The following LURAP1L variants were observed in gnomAD, a reference collection of about 807,000 sequenced individuals.
The protein encoded by LURAP1L is leucine rich adaptor protein 1-like.
LURAP1L carries 12 observed loss-of-function variants against 13.8 expected under a neutral mutation model. The observed-to-expected ratio is 0.87, with a 90% CI of 0.56 to 1.41. The LOEUF is 1.41. Among genes scored for constraint, LURAP1L ranks in the 40% most tolerant of loss-of-function variants. The pLI is 0.00. For synonymous variants in LURAP1L, 139 were observed against 119.2 expected, an observed-to-expected ratio of 1.17 and a Z score of -1.08; for missense variants, 375 against 292.9, an observed-to-expected ratio of 1.28 and a Z score of -2.04.
At chr9:12,781,650 C>T (rs1267859631) in intron 1 of LURAP1L, among the ~76,000 whole-genome samples, 1 of 152,084 alleles carries the variant, frequency 6.6e-6, no homozygotes, top group Non-Finnish European at 1.5e-5. Context: ...TTTCTTTATC[C>T]GTTTGTCTCT....
chr9:12,809,974 G>C (rs1372651288), intron 1 of LURAP1L, among the ~76,000 whole-genome samples: 1 of 152,172 alleles, frequency 6.6e-6, no homozygotes, highest in African/African-American at 2.4e-5. Context: ...AGAAGAGGAA[G>C]TGTTCTCCTG....
intron 1 of LURAP1L, among the ~76,000 whole-genome samples, chr9:12,783,653 C>G (rs773514030): frequency 6.6e-6 from 1 of 151,806 alleles, no homozygotes; most frequent in Non-Finnish European, 1.5e-5. Context: ...TGATATTGGC[C>G]TATACTTTCT....
At chr9:12,782,482 T>A (rs556005231) in intron 1 of LURAP1L, among the ~76,000 whole-genome samples, 13 of 152,344 alleles carry the variant, frequency 8.5e-5, no homozygotes, top group African/African-American at 3.1e-4. Context: ...CAGTACCATT[T>A]ATTGAAGAGA....
At chr9:12,814,090 C>T (rs1027288800) in intron 1 of LURAP1L, among the ~76,000 whole-genome samples, 1 of 152,126 alleles carries the variant, frequency 6.6e-6, no homozygotes, top group East Asian at 1.9e-4. Flanking sequence ...AGTATATATG[C>T]ATGCATGTGT....
chr9:12,783,534 G>A (rs558537765), intron 1 of LURAP1L, among the ~76,000 whole-genome samples: 9 of 152,282 alleles, frequency 5.9e-5, no homozygotes, highest in Admixed American at 5.9e-4. Flanking sequence ...AACAGTCCTT[G>A]CATCCCTGGG....
rs74797967 is a variant in LURAP1L, at chr9:12,790,306, A to C, written c.312+14279A>C. On this transcript the variant is annotated intron_variant, in intron 1 of 1. Transcript: ENST00000319264. ...ATAATCACCTTAGGACAGAGCTGTG[A>C]CTAATCAATGCTTATATGTCCTTAA... Among the ~76,000 whole-genome samples, 423 of 152,296 alleles carry C rather than the reference A, an allele frequency of 2.8e-3. 4 individuals carry two copies. Among genetic ancestry groups the C allele is most frequent in the African/African-American group, 9.8e-3 (406 of 41,576 alleles).
intron 1 of LURAP1L, among the ~76,000 whole-genome samples, chr9:12,809,561 A>G (rs1351362398): frequency 6.6e-6 from 1 of 152,198 alleles, no homozygotes; most frequent in Non-Finnish European, 1.5e-5. Flanking sequence ...TTGGCGTATT[A>G]ATCATAGTTG....
At chr9:12,792,669 T>A (rs899296582) in intron 1 of LURAP1L, among the ~76,000 whole-genome samples, 6 of 152,084 alleles carry the variant, frequency 3.9e-5, no homozygotes, top group African/African-American at 7.2e-5. Flanking sequence ...TTTACTTTTT[T>A]AAAATTCATA....
chr9:12,822,729 A>C lies in LURAP1L; in HGVS notation c.*969A>C, dbSNP rs1819898521. ...TACATTCATCCTAGTATAAATAAAT[A>C]ATCTCTAAGTTTTCTGAAATGGAAT... On this transcript the variant is annotated 3_prime_UTR_variant, in exon 2 of 2. Transcript: ENST00000319264. Among the ~76,000 whole-genome samples, 1 of 152,174 alleles carries C rather than the reference A, an allele frequency of 6.6e-6. No homozygotes were observed. The highest frequency in any genetic ancestry group is 2.4e-5 in the African/African-American group (1 of 41,444).
intron 1 of LURAP1L, among the ~76,000 whole-genome samples, chr9:12,787,244 T>C (rs1379769432): frequency 6.6e-6 from 1 of 152,134 alleles, no homozygotes; most frequent in Non-Finnish European, 1.5e-5. Context: ...ATCTATACCT[T>C]AGCTGTAATG....
At chr9:12,796,621 C>G (rs1819514515) in intron 1 of LURAP1L, among the ~76,000 whole-genome samples, 1 of 151,850 alleles carries the variant, frequency 6.6e-6, no homozygotes, top group South Asian at 2.1e-4. Context: ...AGGAATATAC[C>G]TCATTCCTTT....
chr9:12,798,762 A>AT (rs1056941278), intron 1 of LURAP1L, among the ~76,000 whole-genome samples: 2 of 152,160 alleles, frequency 1.3e-5, no homozygotes, highest in African/African-American at 4.8e-5. Context: ...AATCAGAAAT[A>AT]TTTTTTTGAA....
chr9:12,776,102 T>C, intron 1 of LURAP1L, 75 bp downstream of exon 1: 1 of 1,445,480 alleles, frequency 6.9e-7, no homozygotes, highest in Non-Finnish European at 9.6e-7. Context: ...AGAATGGGGC[T>C]GGGAGAGAGG....
In LURAP1L at chr9:12,821,615, G is replaced by C. The variant is rs781736395; in HGVS notation, c.542G>C (p.Ser181Thr). The C allele has an allele frequency of 3.7e-6, 6 of 1,614,078 alleles. No individual in the cohort carries two copies. Residue 181 changes from serine (S) to threonine (T), a missense_variant, in exon 2 of 2, where the codon AGT becomes ACT. Transcript: ENST00000319264. ...SDGLDGISVG[S>T]YLDTLADDVP... ...GGGCTGGATGGCATTTCCGTGGGAA[G>C]TTATCTGGACACGTTGGCGGATGAT...
chr9:12,804,517 G>A (rs1248021064), intron 1 of LURAP1L, among the ~76,000 whole-genome samples: 5 of 151,636 alleles, frequency 3.3e-5, no homozygotes, highest in African/African-American at 1.2e-4. Context: ...TAATTTTTGT[G>A]TTTTTAGTCG....
chr9:12,778,317 T>G (rs962701711), intron 1 of LURAP1L, among the ~76,000 whole-genome samples: 7 of 152,152 alleles, frequency 4.6e-5, no homozygotes, highest in Non-Finnish European at 8.8e-5. Context: ...ATTCTAGTCA[T>G]GGCTTTTTCA....
intron 1 of LURAP1L, 47 bp from the exon 2 acceptor site, chr9:12,821,339 G>A: frequency 2.5e-6 from 4 of 1,569,856 alleles, no homozygotes; most frequent in Non-Finnish European, 3.5e-6. Context: ...GAGGCCTTTC[G>A]AGAGTGTAAA....
At chr9:12,811,892 G>A in intron 1 of LURAP1L, among the ~76,000 whole-genome samples, 1 of 152,176 alleles carries the variant, frequency 6.6e-6, no homozygotes, top group African/African-American at 2.4e-5. Context: ...TGATGAGGCT[G>A]CAGTCATCTC....
chr9:12,791,527 T>C (rs1180825346), intron 1 of LURAP1L, among the ~76,000 whole-genome samples: 1 of 152,028 alleles, frequency 6.6e-6, no homozygotes, highest in Non-Finnish European at 1.5e-5. Flanking sequence ...TGTTTTGAAA[T>C]AATTCCAGAC....
Sources: gnomAD v4.1 joint callset for allele counts (sites outside exome capture counted in the v4.1 genomes callset) on GRCh38, gnomAD v4.1.1 for gene constraint, MANE v1.5 for transcripts, NCBI Gene and HGNC (gene_info 2026-07-23, HGNC 2026-07-21) for gene names.